EML4: variants seen among roughly 807,000 people sequenced by gnomAD.
EML4 encodes EMAP like 4.
EML4 carries 72 observed loss-of-function variants against 129.0 expected under a neutral mutation model. That is an observed-to-expected ratio of 0.56 (90% CI 0.46 to 0.68). The LOEUF (loss-of-function observed/expected upper bound fraction) is 0.68, where lower values mean the gene tolerates loss of function less well. Among genes scored for constraint, EML4 ranks in the 30% least tolerant of loss-of-function variants. The probability of loss-of-function intolerance (pLI) is 0.00; values close to 1 mark genes in which losing one functional copy is unlikely to be tolerated. For missense variants in EML4, 1,363 were observed against 1,190.6 expected, an observed-to-expected ratio of 1.14 and a Z score of -2.13; for synonymous variants, 532 against 405.0, an observed-to-expected ratio of 1.31 and a Z score of -3.77.
intron 17 of EML4, among the ~76,000 whole-genome samples, chr2:42,308,559 T>G (rs1321187694): frequency 6.6e-6 from 1 of 152,190 alleles, no homozygotes; most frequent in East Asian, 1.9e-4. Flanking sequence ...TTTGTTGAGA[T>G]ATAATTCACA....
intron 1 of EML4, among the ~76,000 whole-genome samples, chr2:42,176,798 A>T (rs1050169450): frequency 2.0e-5 from 3 of 151,874 alleles, no homozygotes; most frequent in African/African-American, 7.3e-5. Context: ...ATTTTTATTT[A>T]TTTATTTTTT....
chr2:42,269,553 G>A (rs923341650), intron 6 of EML4, among the ~76,000 whole-genome samples: 1 of 152,140 alleles, frequency 6.6e-6, no homozygotes, highest in Non-Finnish European at 1.5e-5. Flanking sequence ...TGATATATAT[G>A]AGGAAAGAAT....
intron 1 of EML4, among the ~76,000 whole-genome samples, chr2:42,213,907 T>C (rs574356340): frequency 1.3e-5 from 2 of 152,372 alleles, no homozygotes; most frequent in South Asian, 4.1e-4. Flanking sequence ...TATGCAGTTA[T>C]AATTTGTAAG....
intron 1 of EML4, 119 bp downstream of exon 1, chr2:42,169,755 CAT>C: frequency 8.5e-7 from 1 of 1,177,108 alleles, no homozygotes; most frequent in South Asian, 1.5e-5. Flanking sequence ...CTCCACTGCA[CAT>C]GTTCCCTTCG....
chr2:42,188,751 A>G (rs1671413856), intron 1 of EML4, among the ~76,000 whole-genome samples: 1 of 151,896 alleles, frequency 6.6e-6, no homozygotes, highest in Non-Finnish European at 1.5e-5. Context: ...GTCTTGAACT[A>G]CTGACCTCAG....
rs749537444 is a variant in EML4 at position 42,256,502 on chromosome 2, C to T, written c.210C>T (p.Gly70=). The change falls in exon 3 of 23, where the codon GGC becomes GGT. Residue 70 remains glycine (G), a splice_region_variant and synonymous_variant. Coordinates refer to ENST00000318522, the MANE Select transcript of EML4 (RefSeq NM_019063.5). ...ASVKKSVSSK[G]QPSPRAVIPM... is the part of the protein sequence containing the mutation. Reference sequence around the variant, plus strand: ...ATTTTTTTCCTTAATTATCTTTAGGCCAACCAAGCCCTCGAGCAGTTATTC... The same window carrying T: ...ATTTTTTTCCTTAATTATCTTTAGGTCAACCAAGCCCTCGAGCAGTTATTC... 7 of 1,589,700 alleles carry T rather than the reference C, an allele frequency of 4.4e-6. No homozygotes were observed. In the East Asian group the frequency reaches 1.1e-4, roughly 25 times the overall value.
At chr2:42,284,548 C>A in intron 8 of EML4, 86 bp from the exon 9 acceptor site, 1 of 812,592 alleles carries the variant, frequency 1.2e-6, no homozygotes, top group South Asian at 2.2e-5. Context: ...CGATTAAAAA[C>A]TGCTTATTTG....
intron 1 of EML4, among the ~76,000 whole-genome samples, chr2:42,192,138 C>A (rs566072600): frequency 7.8e-4 from 112 of 144,408 alleles, no homozygotes; most frequent in African/African-American, 2.6e-3. Context: ...AAAAAAAAAT[C>A]CCTAGTTTTG....
intron 1 of EML4, among the ~76,000 whole-genome samples, chr2:42,218,695 C>G (rs1673360093): frequency 6.6e-6 from 1 of 152,206 alleles, no homozygotes; most frequent in African/African-American, 2.4e-5. Flanking sequence ...CCATACAGCA[C>G]AATACAATTC....
intron 1 of EML4, among the ~76,000 whole-genome samples, chr2:42,228,740 A>C (rs1674135583): frequency 6.6e-6 from 1 of 152,194 alleles, no homozygotes; most frequent in Non-Finnish European, 1.5e-5. Context: ...TATATCTGTC[A>C]GGACAAGTGT....
chr2:42,292,285 T>G (rs961226287), intron 11 of EML4, among the ~76,000 whole-genome samples: 2 of 152,220 alleles, frequency 1.3e-5, no homozygotes, highest in Admixed American at 6.5e-5. Context: ...CCCAAATTGT[T>G]CATCTCGGCA....
chr2:42,291,613 C>A (rs1328368701), intron 11 of EML4, among the ~76,000 whole-genome samples: 1 of 151,842 alleles, frequency 6.6e-6, no homozygotes, highest in African/African-American at 2.4e-5. Context: ...ACCATGTTGG[C>A]CAGGCTGGTC....
intron 1 of EML4, among the ~76,000 whole-genome samples, chr2:42,201,921 A>T (rs1381050478): frequency 1.3e-5 from 2 of 152,098 alleles, no homozygotes; most frequent in Non-Finnish European, 2.9e-5. Flanking sequence ...ATCTCTACTA[A>T]AAATACAAAA....
chr2:42,270,054 A>G (rs1666280522), intron 6 of EML4, among the ~76,000 whole-genome samples: 1 of 152,226 alleles, frequency 6.6e-6, no homozygotes, highest in South Asian at 2.1e-4. Context: ...ATGATTTTAG[A>G]AAACTAAACA....
chr2:42,299,975 A>G (rs892472743), intron 13 of EML4, among the ~76,000 whole-genome samples: 2 of 152,166 alleles, frequency 1.3e-5, no homozygotes, highest in Non-Finnish European at 2.9e-5. Flanking sequence ...TGTGAGCCAC[A>G]GTGCCCAGCC....
At chr2:42,172,646 T>G (rs1006643718) in intron 1 of EML4, among the ~76,000 whole-genome samples, 1 of 152,134 alleles carries the variant, frequency 6.6e-6, no homozygotes, top group East Asian at 1.9e-4. Flanking sequence ...GGCAGCACTT[T>G]AGAAACCTTT....
At chr2:42,185,747 G>A (rs1481653274) in intron 1 of EML4, among the ~76,000 whole-genome samples, 1 of 152,162 alleles carries the variant, frequency 6.6e-6, no homozygotes, top group Non-Finnish European at 1.5e-5. Flanking sequence ...ATGTAATCAA[G>A]TTTGGATTTT....
At chr2:42,292,190 T>G (rs1239780378) in intron 11 of EML4, among the ~76,000 whole-genome samples, 1 of 152,248 alleles carries the variant, frequency 6.6e-6, no homozygotes, top group Non-Finnish European at 1.5e-5. Flanking sequence ...TTGTGAATTG[T>G]TCCTTAGTGA....
intron 14 of EML4, among the ~76,000 whole-genome samples, chr2:42,302,379 CAA>C (rs1424520438): frequency 6.6e-6 from 1 of 151,986 alleles, no homozygotes; most frequent in Non-Finnish European, 1.5e-5. Context: ...TTACAACAAT[CAA>C]GAGTGGGTAG....
Sources: allele counts gnomAD v4.1 joint callset (sites outside exome capture counted in the v4.1 genomes callset), GRCh38; gene constraint gnomAD v4.1.1; transcripts MANE v1.5; gene names NCBI Gene and HGNC (gene_info 2026-07-23, HGNC 2026-07-21).